Variants in NECTIN3 observed in about 807,000 individuals in gnomAD.
The protein encoded by NECTIN3 is nectin-3.
NECTIN3 carries 8 observed loss-of-function variants against 49.4 expected under a neutral mutation model. The ratio of observed to expected loss-of-function variants is 0.16; its 90% CI spans 0.10 to 0.29. The LOEUF (loss-of-function observed/expected upper bound fraction) is 0.29, where lower values mean the gene tolerates loss of function less well. NECTIN3 is among the 10% of genes least tolerant of loss of function. The pLI, the probability that NECTIN3 is intolerant of heterozygous loss-of-function variation, is 1.00. For synonymous variants in NECTIN3, 277 were observed against 241.1 expected, an observed-to-expected ratio of 1.15 and a Z score of -1.38; for missense variants, 581 against 654.6, an observed-to-expected ratio of 0.89 and a Z score of 1.23.
rs149821218 is a variant in NECTIN3, at chr3:111,093,384, A to G, written c.161-18646A>G. Among the ~76,000 whole-genome samples, 262 of 151,858 alleles carry G rather than the reference A, an allele frequency of 1.7e-3. 6 individuals are homozygous for G. In the East Asian group the frequency reaches 0.047, roughly 27 times the overall value. On this transcript the variant is annotated intron_variant, in intron 1 of 5. Coordinates refer to ENST00000485303, the MANE Select transcript of NECTIN3 (RefSeq NM_015480.3). ...TTTAAAGGTGTTCATGCACAAGATT[A>G]GAAGCTAAGTATTAATGTGTGTGGT...
chr3:111,120,612 A>T (rs72937914), intron 3 of NECTIN3, among the ~76,000 whole-genome samples: 1 of 151,818 alleles, frequency 6.6e-6, no homozygotes, highest in African/African-American at 2.4e-5. Context: ...ATTTTTTACC[A>T]CTATTTTGTA....
chr3:111,136,442 C>T lies in NECTIN3; in HGVS notation c.*2227C>T. The T allele has an allele frequency of 1.0e-6, 1 of 984,032 alleles. No homozygotes were observed. The highest frequency in any genetic ancestry group is 1.7e-5 in the African/African-American group (1 of 57,210). The allele number at this position is 984,032 out of a possible 1,614,324, so 61.0% of individuals were successfully genotyped here. On this transcript the variant is annotated 3_prime_UTR_variant, in exon 6 of 6. Coordinates refer to ENST00000485303, the MANE Select transcript of NECTIN3 (RefSeq NM_015480.3). ...ATTTGACATATTCTGTATCCTTAAT[C>T]CAATCATTTGGCAAACTAAAAGGTT...
chr3:111,099,530 A>G (rs1171467920), intron 1 of NECTIN3, among the ~76,000 whole-genome samples: 1 of 152,214 alleles, frequency 6.6e-6, no homozygotes, highest in Non-Finnish European at 1.5e-5. Flanking sequence ...CATAGTATTA[A>G]TACTTTATAT....
intron 2 of NECTIN3, among the ~76,000 whole-genome samples, chr3:111,114,798 A>T (rs1007477812): frequency 6.6e-6 from 1 of 152,100 alleles, no homozygotes. Flanking sequence ...CCCTTTATAC[A>T]TGGATTTTTT....
At chr3:111,083,643 C>T (rs556158512) in intron 1 of NECTIN3, among the ~76,000 whole-genome samples, 8 of 152,162 alleles carry the variant, frequency 5.3e-5, no homozygotes, top group African/African-American at 1.9e-4. Context: ...CAGCCCAAGC[C>T]GAGACATCAG....
chr3:111,154,748 A>G (rs532402658), intron 7 of NECTIN3, among the ~76,000 whole-genome samples: 1 of 152,278 alleles, frequency 6.6e-6, no homozygotes, highest in South Asian at 2.1e-4. Flanking sequence ...TAATATGTAG[A>G]ACATTTTTTC....
rs750085968 is a variant in NECTIN3, at chr3:111,133,722, A to T, written c.1157A>T (p.Lys386Ile). The T allele has an allele frequency of 6.2e-7, 1 of 1,613,930 alleles. No homozygotes were observed. Among genetic ancestry groups the T allele is most frequent in the Non-Finnish European group, 8.5e-7 (1 of 1,179,880 alleles). The part of the protein sequence containing the change: ...DIEDLATEPK[K>I]LPFPLSTLAT... Reference sequence around the variant, plus strand: ...GAGGATCTAGCAACAGAACCTAAAAAATTGCCCTTCCCATTGTCAACTTTG... The same window carrying T: ...GAGGATCTAGCAACAGAACCTAAAATATTGCCCTTCCCATTGTCAACTTTG... Residue 386 changes from lysine to isoleucine, a missense_variant, in exon 6 of 6, where the codon AAA (lysine) becomes ATA (isoleucine). Around this residue, in one of 3 missense-constraint regions of NECTIN3, gnomAD observed 238 missense variants for 244.9 expected, o/e 0.97. Coordinates refer to ENST00000485303, the MANE Select transcript of NECTIN3 (RefSeq NM_015480.3).
intron 7 of NECTIN3, among the ~76,000 whole-genome samples, chr3:111,183,648 G>A (rs758887179): frequency 3.4e-5 from 5 of 148,598 alleles, no homozygotes; most frequent in African/African-American, 4.9e-5. Flanking sequence ...TAGAATTCTA[G>A]TTTTTTTTTT....
chr3:111,140,452 T>C (rs2034713737), downstream of NECTIN3, among the ~76,000 whole-genome samples: 1 of 151,734 alleles, frequency 6.6e-6, no homozygotes, highest in Non-Finnish European at 1.5e-5. Flanking sequence ...GTATTAAGAG[T>C]AAGATATTTG....
intron 1 of NECTIN3, among the ~76,000 whole-genome samples, chr3:111,099,745 TA>T (rs1460493760): frequency 1.3e-5 from 2 of 152,180 alleles, no homozygotes; most frequent in African/African-American, 4.8e-5. Flanking sequence ...GCTTACCTCT[TA>T]GCTGCTAGTG....
chr3:111,083,916 A>G (rs745567380), intron 1 of NECTIN3, among the ~76,000 whole-genome samples: 3 of 152,214 alleles, frequency 2.0e-5, no homozygotes, highest in Non-Finnish European at 2.9e-5. Context: ...TGTTGTTGCC[A>G]TAGCCCAAGA....
intron 7 of NECTIN3, among the ~76,000 whole-genome samples, chr3:111,184,125 A>C (rs1313475608): frequency 3.3e-5 from 5 of 152,236 alleles, no homozygotes; most frequent in Non-Finnish European, 7.4e-5. Flanking sequence ...TCTGCTACTA[A>C]GGCCATCCAG....
chr3:111,088,834 G>A (rs1446922432), intron 1 of NECTIN3, among the ~76,000 whole-genome samples: 1 of 152,034 alleles, frequency 6.6e-6, no homozygotes, highest in African/African-American at 2.4e-5. Flanking sequence ...AGGCTGTGCT[G>A]GACTCATTAA....
chr3:111,118,248 C>CTATATA (rs34878535), intron 2 of NECTIN3, among the ~76,000 whole-genome samples: 8,990 of 77,564 alleles, frequency 0.12, 732 homozygotes, highest in Middle Eastern at 0.18. Flanking sequence ...TAAAATGAAG[C>CTATATA]TATATATATA....
intron 7 of NECTIN3, among the ~76,000 whole-genome samples, chr3:111,166,128 A>C (rs887134420): frequency 6.6e-6 from 1 of 152,222 alleles, no homozygotes; most frequent in African/African-American, 2.4e-5. Flanking sequence ...TTGCCAATTT[A>C]GAGTTGCAGT....
intron 4 of NECTIN3, among the ~76,000 whole-genome samples, chr3:111,125,820 A>G (rs2034142199): frequency 6.6e-6 from 1 of 152,296 alleles, no homozygotes; most frequent in East Asian, 1.9e-4. Flanking sequence ...CTCTGATTCA[A>G]TGAGAATTTT....
At chr3:111,127,487 A>G (rs2034212075) in intron 5 of NECTIN3, among the ~76,000 whole-genome samples, 2 of 122,816 alleles carry the variant, frequency 1.6e-5, no homozygotes, top group African/African-American at 6.5e-5. Context: ...TTTTTTTTGC[A>G]TGAGTCTAGA....
intron 7 of NECTIN3, among the ~76,000 whole-genome samples, chr3:111,152,959 G>GAA (rs1471617926): frequency 2.0e-5 from 3 of 151,810 alleles, no homozygotes; most frequent in Non-Finnish European, 4.4e-5. Context: ...AATCATTGAT[G>GAA]GTCTTATTTT....
chr3:111,135,648 T>C lies in NECTIN3; in HGVS notation c.*1433T>C, dbSNP rs937794198. ...TAGTAGGAGAATCATAAATTAAATA[T>C]ATTATTTTGTTAATAAAAAGGCAAA... On this transcript the variant is annotated 3_prime_UTR_variant, in exon 6 of 6. Coordinates refer to ENST00000485303, the MANE Select transcript of NECTIN3 (RefSeq NM_015480.3). The C allele has an allele frequency of 2.1e-6, 2 of 962,646 alleles. No homozygotes were observed. Among genetic ancestry groups the C allele is most frequent in the African/African-American group, 3.5e-5 (2 of 56,636 alleles). The allele number at this position is 962,646 out of a possible 1,614,324, so 59.6% of individuals were successfully genotyped here.
Sources: allele counts gnomAD v4.1 joint callset (sites outside exome capture counted in the v4.1 genomes callset), GRCh38; gene constraint gnomAD v4.1.1; regional missense constraint gnomAD v4.1.1; transcripts MANE v1.5; gene names NCBI Gene and HGNC (gene_info 2026-07-23, HGNC 2026-07-21).